Variants in ASAP1 observed in about 807,000 individuals in gnomAD.
The protein encoded by ASAP1 is arf-GAP with SH3 domain, ANK repeat and PH domain-containing protein 1.
ASAP1 carries 43 observed loss-of-function variants against 145.2 expected under a neutral mutation model. That is an observed-to-expected ratio of 0.30 (90% confidence interval 0.23 to 0.38). The LOEUF is 0.38. ASAP1 is among the 10% of genes least tolerant of loss of function. The pLI is 1.00. For missense variants in ASAP1, 1,018 were observed against 1,355.3 expected (o/e 0.75, Z 3.91); for synonymous variants, 546 against 515.5 (o/e 1.06, Z -0.80).
In ASAP1 at chr8:130,288,719, T is replaced by A. The variant is rs749791265; in HGVS notation, c.187-51725A>T. Among the ~76,000 whole-genome samples the A allele has an allele frequency of 3.9e-4, 59 of 152,174 alleles. 1 individual carries two copies. The highest frequency in any genetic ancestry group is 3.2e-3 in the Middle Eastern group (1 of 316). On this transcript the variant is annotated intron_variant, in intron 3 of 29. Transcript: ENST00000518721. ...CATCTGTACTATGGTAAAACCACTGTGGAAGCACAGGTAATCTGCCCCAGT... is the reference window on the plus strand; with the variant it reads ...CATCTGTACTATGGTAAAACCACTGAGGAAGCACAGGTAATCTGCCCCAGT...
intron 15 of ASAP1, among the ~76,000 whole-genome samples, chr8:130,129,062 G>C (rs2097579405): frequency 6.6e-6 from 1 of 152,156 alleles, no homozygotes; most frequent in Non-Finnish European, 1.5e-5. Context: ...TAGTGAGTGA[G>C]TTGAGATCTG....
At chr8:130,356,552 G>A (rs1194281128) in intron 3 of ASAP1, among the ~76,000 whole-genome samples, 1 of 151,928 alleles carries the variant, frequency 6.6e-6, no homozygotes, top group African/African-American at 2.4e-5. Context: ...AAAGAAAAAA[G>A]AAAAGAAAAA....
At chr8:130,078,487 T>C (rs545602664) in intron 26 of ASAP1, among the ~76,000 whole-genome samples, 1 of 152,120 alleles carries the variant, frequency 6.6e-6, no homozygotes, top group South Asian at 2.1e-4. Flanking sequence ...GGTCTTGCTA[T>C]GTTGCCCAGG....
At chr8:130,077,502 C>T (rs897451044) in intron 26 of ASAP1, among the ~76,000 whole-genome samples, 2 of 151,406 alleles carry the variant, frequency 1.3e-5, no homozygotes, top group African/African-American at 2.4e-5. Context: ...ATTTCTGTCC[C>T]CTGATGTCCT....
chr8:130,277,784 T>C (rs144641427), intron 3 of ASAP1, among the ~76,000 whole-genome samples: 244 of 152,228 alleles, frequency 1.6e-3, no homozygotes, highest in African/African-American at 5.5e-3. Context: ...CCAGATTACA[T>C]AAATGTCTTT....
intron 27 of ASAP1, among the ~76,000 whole-genome samples, chr8:130,074,850 A>C (rs1163723884): frequency 6.6e-6 from 1 of 152,178 alleles, no homozygotes; most frequent in African/African-American, 2.4e-5. Context: ...AGTCATAGGG[A>C]GAGCCAGACT....
At chr8:130,135,472 G>A (rs566508281) in intron 14 of ASAP1, among the ~76,000 whole-genome samples, 1 of 152,084 alleles carries the variant, frequency 6.6e-6, no homozygotes, top group South Asian at 2.1e-4. Flanking sequence ...GTGACAGAGT[G>A]AGACCCTGCC....
rs188762667 is a variant in ASAP1 at position 130,434,882 on chromosome 8, C to A, written c.-28+8578G>T. 7.9e-4 allele frequency among the ~76,000 whole-genome samples: 120 copies of A among 152,244 alleles called. 1 individual carries two copies. The highest frequency in any genetic ancestry group is 5.6e-3 in the South Asian group (27 of 4,826). On this transcript the variant is annotated intron_variant, in intron 1 of 29. Coordinates refer to ENST00000518721, the MANE Select transcript of ASAP1 (RefSeq NM_018482.4). ...GCCCAAATACTGACCATACACCGAACAATAGCCCCTTAGCTCGAACAAGCT... is the reference window on the plus strand; with the variant it reads ...GCCCAAATACTGACCATACACCGAAAAATAGCCCCTTAGCTCGAACAAGCT...
intron 2 of ASAP1, among the ~76,000 whole-genome samples, chr8:130,363,431 C>T (rs1425237289): frequency 2.0e-5 from 3 of 152,152 alleles, no homozygotes; most frequent in Admixed American, 6.5e-5. Context: ...TGACCTGCTA[C>T]GTACCAGACA....
chr8:130,198,997 C>A (rs900560030), intron 5 of ASAP1, among the ~76,000 whole-genome samples: 1 of 152,188 alleles, frequency 6.6e-6, no homozygotes, highest in Admixed American at 6.5e-5. Flanking sequence ...ATCTCTCCCA[C>A]TTTGCACGTG....
At chr8:130,091,941 G>A in intron 25 of ASAP1, 32 bp downstream of exon 25, 1 of 1,492,796 alleles carries the variant, frequency 6.7e-7, no homozygotes, top group Non-Finnish European at 8.9e-7. Flanking sequence ...CCTGGCCCCA[G>A]CAGCTTTGGC....
intron 25 of ASAP1, among the ~76,000 whole-genome samples, chr8:130,089,932 G>C (rs2097502047): frequency 3.3e-5 from 5 of 152,242 alleles, no homozygotes; most frequent in Admixed American, 3.3e-4. Flanking sequence ...GCCGAGGACA[G>C]ATGATGATTT....
chr8:130,217,771 T>G (rs1817028095), intron 4 of ASAP1, among the ~76,000 whole-genome samples: 1 of 152,184 alleles, frequency 6.6e-6, no homozygotes, highest in Non-Finnish European at 1.5e-5. Flanking sequence ...GTTCAATAAC[T>G]GAGATCAAAT....
chr8:130,432,728 C>T (rs1014608353), intron 1 of ASAP1, among the ~76,000 whole-genome samples: 12 of 152,126 alleles, frequency 7.9e-5, no homozygotes, highest in African/African-American at 2.9e-4. Context: ...AGAAGAGGGG[C>T]TTTTTCTTCC....
chr8:130,054,239 TA>T lies in ASAP1; in HGVS notation c.*491del, dbSNP rs1477859496. 1 of 154,174 alleles carries T rather than the reference TA, an allele frequency of 6.5e-6. No individual in the cohort carries two copies. Among genetic ancestry groups the T allele is most frequent in the Non-Finnish European group, 1.4e-5 (1 of 69,024 alleles). The allele number at this position is 154,174 out of a possible 1,614,324, so 9.6% of individuals were successfully genotyped here. On this transcript the variant is annotated 3_prime_UTR_variant, in exon 30 of 30. Coordinates refer to ENST00000518721, the MANE Select transcript of ASAP1 (RefSeq NM_018482.4). ...ATACCAAAGTAGGTTTTTGTAGCTG[TA>T]AACTGTGTACACAGATAACTACAGG...
In ASAP1 at chr8:130,115,699, C is replaced by T. The variant is rs762344589; in HGVS notation, c.2101G>A (p.Val701Ile). ...AGATTCCACTCATATTCTACGTGGA[C>T]GTGTGGATTGAACTTTCCAGATTTA... Reference protein sequence around the residue: ...QAKSGKFNPHVHVEYEWNLRQ... With the variant: ...QAKSGKFNPHIHVEYEWNLRQ... The change falls in exon 23 of 30, where the codon GTC becomes ATC. Residue 701 changes from valine to isoleucine, a missense_variant. Transcript: ENST00000518721. 1.4e-4 allele frequency: 221 copies of T among 1,613,932 alleles called. 1 individual carries two copies. Among genetic ancestry groups the T allele is most frequent in the Non-Finnish European group, 1.2e-4 (141 of 1,179,948 alleles).
Position 130,107,495 on chromosome 8 carries a change from CTT to C in ASAP1, c.2401+4597_2401+4598del, listed in dbSNP as rs764936248. Among the ~76,000 whole-genome samples, 1,255 of 139,370 alleles carry C rather than the reference CTT, an allele frequency of 9.0e-3. 13 individuals carry two copies. Among genetic ancestry groups the C allele is most frequent in the South Asian group, 0.035 (151 of 4,318 alleles). 91.4% of individuals were successfully genotyped at this position (139,370 alleles called of 152,430 possible). A position where few individuals can be genotyped will look rare whatever the true frequency, so the allele number is the denominator to read the frequency against. On this transcript the variant is annotated intron_variant, in intron 24 of 29. Coordinates refer to ENST00000518721, the MANE Select transcript of ASAP1 (RefSeq NM_018482.4). Reference sequence around the variant, plus strand: ...CCACCATGCCCGGCCCATAGTCTCTCTTTTTTTTTTTTTTTAAAAAATGTATG... The same window carrying C: ...CCACCATGCCCGGCCCATAGTCTCTCTTTTTTTTTTTTTAAAAAATGTATG...
chr8:130,350,832 A>C (rs534970302), intron 3 of ASAP1, among the ~76,000 whole-genome samples: 2 of 152,346 alleles, frequency 1.3e-5, no homozygotes, highest in South Asian at 4.1e-4. Flanking sequence ...CTGGAAGCAG[A>C]CAGCCAGACA....
intron 5 of ASAP1, 24 bp from the exon 6 acceptor site, chr8:130,188,207 G>A (rs1395403355): frequency 3.2e-6 from 5 of 1,583,102 alleles, no homozygotes; most frequent in East Asian, 2.2e-5. Context: ...GGGAAGATGG[G>A]AGATGGTTAA....
Sources: allele counts gnomAD v4.1 joint callset (sites outside exome capture counted in the v4.1 genomes callset), GRCh38; gene constraint gnomAD v4.1.1; transcripts MANE v1.5; gene names NCBI Gene and HGNC (gene_info 2026-07-23, HGNC 2026-07-21).